CNOT4: variants seen among roughly 807,000 people sequenced by gnomAD.
CNOT4 encodes the protein CCR4-NOT transcription complex subunit 4, also known as CCR4-associated factor 4.
Under a neutral mutation model 73.8 loss-of-function variants are expected in CNOT4, and 8 were observed. That is an observed-to-expected ratio of 0.11 (90% CI 0.06 to 0.20). The LOEUF is 0.20. CNOT4 is among the 10% of genes least tolerant of loss of function. The probability of loss-of-function intolerance (pLI) is 1.00; values close to 1 mark genes in which losing one functional copy is unlikely to be tolerated. For missense variants in CNOT4, 564 were observed against 883.4 expected (o/e 0.64, Z 4.58); for synonymous variants, 293 against 321.1 (o/e 0.91, Z 0.94).
At chr7:135,369,845 C>CA (rs1202934747) in intron 10 of CNOT4, among the ~76,000 whole-genome samples, 1 of 152,168 alleles carries the variant, frequency 6.6e-6, no homozygotes, top group East Asian at 1.9e-4. Context: ...CCTCAAACCT[C>CA]AACAATGAAT....
chr7:135,444,486 A>C, intron 1 of CNOT4: 1 of 813,526 alleles, frequency 1.2e-6, no homozygotes, highest in Non-Finnish European at 2.2e-6. Flanking sequence ...TGCCCTTTGC[A>C]GTGCCCAAGG....
chr7:135,452,471 G>A (rs1405315837), intron 1 of CNOT4, among the ~76,000 whole-genome samples: 2 of 152,154 alleles, frequency 1.3e-5, no homozygotes, highest in African/African-American at 4.8e-5. Flanking sequence ...TTGAGAGGCT[G>A]AGGCAGGAGA....
At chr7:135,463,078 T>C (rs1800975273) in intron 1 of CNOT4, among the ~76,000 whole-genome samples, 1 of 152,328 alleles carries the variant, frequency 6.6e-6, no homozygotes, top group Admixed American at 6.5e-5. Flanking sequence ...TTCTGTTCCA[T>C]TGGTCTATGT....
At chr7:135,444,931 G>C (rs186461089) in intron 1 of CNOT4, 248 of 1,586,436 alleles carry the variant, frequency 1.6e-4, no homozygotes, top group Non-Finnish European at 2.1e-4. Flanking sequence ...TGGAAGCTCT[G>C]ACCTTTTTGA....
chr7:135,433,692 T>G (rs1798989776), intron 2 of CNOT4, among the ~76,000 whole-genome samples: 1 of 152,170 alleles, frequency 6.6e-6, no homozygotes, highest in South Asian at 2.1e-4. Context: ...ATACATTATC[T>G]TCTATTATTT....
intron 2 of CNOT4, among the ~76,000 whole-genome samples, chr7:135,428,544 G>A (rs555463249): frequency 6.6e-6 from 1 of 152,106 alleles, no homozygotes; most frequent in South Asian, 2.1e-4. Flanking sequence ...ATTACTTCTA[G>A]GTATGGAAAA....
At chr7:135,444,656 C>CA in intron 1 of CNOT4, 2 of 1,163,412 alleles carry the variant, frequency 1.7e-6, no homozygotes, top group Non-Finnish European at 2.6e-6. Context: ...ACTGGACTAG[C>CA]AAGAAGGTTT....
intron 10 of CNOT4, among the ~76,000 whole-genome samples, chr7:135,380,053 T>C (rs1795753039): frequency 1.3e-5 from 2 of 152,124 alleles, no homozygotes; most frequent in Non-Finnish European, 2.9e-5. Flanking sequence ...AGTGATAGCA[T>C]TATCATCTTT....
chr7:135,423,078 C>G (rs923613701), intron 2 of CNOT4, among the ~76,000 whole-genome samples: 1 of 152,078 alleles, frequency 6.6e-6, no homozygotes, highest in Non-Finnish European at 1.5e-5. Flanking sequence ...ATTTATTCAC[C>G]TATAAAGTGA....
chr7:135,440,221 TAAAA>T (rs71174523), intron 1 of CNOT4, among the ~76,000 whole-genome samples: 2 of 107,474 alleles, frequency 1.9e-5, no homozygotes, highest in East Asian at 2.4e-4. Flanking sequence ...ACAGACAAGT[TAAAA>T]AAAAAAAAAA....
At chr7:135,476,057 A>T (rs746151424) in intron 1 of CNOT4, among the ~76,000 whole-genome samples, 10 of 152,210 alleles carry the variant, frequency 6.6e-5, no homozygotes, top group Non-Finnish European at 1.2e-4. Context: ...AACTGACTAA[A>T]CTGGACTGAC....
Position 135,394,330 on chromosome 7 carries a change from A to G in CNOT4, c.1215T>C (p.Phe405=). The G allele has an allele frequency of 6.2e-7, 1 of 1,614,206 alleles. No individual in the cohort carries two copies. The highest frequency in any genetic ancestry group is 1.3e-5 in the African/African-American group (1 of 75,050). Residue 405 remains phenylalanine, a synonymous_variant, in exon 10 of 12, where the codon TTT becomes TTC. Coordinates refer to ENST00000541284, the MANE Select transcript of CNOT4 (RefSeq NM_001190850.2). Reference sequence around the variant, plus strand: ...CTTTTCGAGTGACATCGAAGGGATCAAAACCCAAGTCATCCTCTGGTTGTT... The same window carrying G: ...CTTTTCGAGTGACATCGAAGGGATCGAAACCCAAGTCATCCTCTGGTTGTT... ...SSKQPEDDLG[F]DPFDVTRKAL... is the part of the protein sequence containing the mutation.
Position 135,362,941 on chromosome 7 carries a change from G to C in CNOT4, c.2086C>G (p.Pro696Ala), listed in dbSNP as rs201606362. The C allele has an allele frequency of 6.2e-7, 1 of 1,612,844 alleles. No individual in the cohort carries two copies. Among genetic ancestry groups the C allele is most frequent in the Non-Finnish European group, 8.5e-7 (1 of 1,179,394 alleles). ...AAATCTGTGGGGGTTTTGCTGGGGG[G>C]TCTGAAGGCTGTCTGAAAGCCTGGG... is the stretch of plus-strand genomic sequence containing the variant. ...PPPGFQTAFR[P>A]PSKTPTDLLQ... The change falls in exon 12 of 12, where the codon CCC becomes GCC. Residue 696 changes from proline (P) to alanine (A), a missense_variant. Pro to Ala is a conservative substitution (Grantham distance 27). This residue lies in a region of CNOT4 where 88 missense variants were observed against 94.7 expected (regional missense o/e 0.93). Coordinates refer to ENST00000541284, the MANE Select transcript of CNOT4 (RefSeq NM_001190850.2).
At chr7:135,456,201 G>T (rs1800519896) in intron 1 of CNOT4, among the ~76,000 whole-genome samples, 1 of 152,162 alleles carries the variant, frequency 6.6e-6, no homozygotes, top group Non-Finnish European at 1.5e-5. Context: ...TACGGACATT[G>T]AAAACTGAAT....
At chr7:135,372,237 C>T (rs1250239441) in intron 10 of CNOT4, among the ~76,000 whole-genome samples, 2 of 152,160 alleles carry the variant, frequency 1.3e-5, no homozygotes, top group Non-Finnish European at 2.9e-5. Flanking sequence ...TTAATTCTGA[C>T]CAACGAAGAA....
Position 135,363,004 on chromosome 7 carries a change from G to A in CNOT4, c.2023C>T (p.Pro675Ser), listed in dbSNP as rs2129482297. The A allele has an allele frequency of 6.2e-7, 1 of 1,613,662 alleles. No homozygotes were observed. Among genetic ancestry groups the A allele is most frequent in the South Asian group, 1.1e-5 (1 of 91,020 alleles). ...PLHRASWNPY[P>S]PPSNPSSFHS... is the part of the protein sequence containing the mutation. The stretch of plus-strand genomic sequence containing the variant: ...AAGCTGGAAGGGTTTGAAGGAGGAG[G>A]GTAGGGATTCCAACTGGCTCTGTGC... The change falls in exon 12 of 12, where the codon CCT becomes TCT. Residue 675 changes from proline to serine, a missense_variant. Around this residue, in one of 10 missense-constraint regions of CNOT4, gnomAD observed 88 missense variants for 94.7 expected, o/e 0.93. Coordinates refer to ENST00000541284, the MANE Select transcript of CNOT4 (RefSeq NM_001190850.2). This position sits in a 1 kb window ranked among gnomAD's most constrained non-coding sequence, Gnocchi z 4.3.
intron 10 of CNOT4, among the ~76,000 whole-genome samples, chr7:135,385,344 G>A (rs1796066373): frequency 6.6e-6 from 1 of 152,164 alleles, no homozygotes; most frequent in South Asian, 2.1e-4. Context: ...ATAGGCCACT[G>A]TAAGATTTCA....
intron 1 of CNOT4, among the ~76,000 whole-genome samples, chr7:135,490,853 G>C (rs1803063614): frequency 6.6e-6 from 1 of 152,236 alleles, no homozygotes; most frequent in South Asian, 2.1e-4. Context: ...GGCAAGGGTA[G>C]AAGCAGGAAA....
At chr7:135,386,512 T>C (rs375277406) in intron 10 of CNOT4, 16 of 152,336 alleles carry the variant, frequency 1.1e-4, no homozygotes, top group African/African-American at 3.6e-4. Flanking sequence ...CTTTTATGTG[T>C]TGTATAATTT....
Sources: allele counts gnomAD v4.1 joint callset (sites outside exome capture counted in the v4.1 genomes callset), GRCh38; gene constraint gnomAD v4.1.1; regional missense constraint gnomAD v4.1.1; non-coding constraint Gnocchi (gnomAD v3.1); transcripts MANE v1.5; gene names NCBI Gene and HGNC (gene_info 2026-07-23, HGNC 2026-07-21).